The following KCTD8 variants were observed in gnomAD, a reference collection of about 807,000 sequenced individuals.
KCTD8 encodes the protein BTB/POZ domain-containing protein KCTD8.
A neutral mutation model predicts 31.5 loss-of-function variants in KCTD8; 27 were observed. That is an observed-to-expected ratio of 0.86 (90% CI 0.63 to 1.18). The LOEUF is 1.18. KCTD8 is among the 50% of genes most tolerant of loss of function. The pLI is 0.00. For missense variants in KCTD8, 658 were observed against 647.7 expected (o/e 1.02, Z -0.17); for synonymous variants, 290 against 280.0 (o/e 1.04, Z -0.36).
intron 1 of KCTD8, among the ~76,000 whole-genome samples, chr4:44,438,848 C>T (rs1176327666): frequency 2.6e-5 from 4 of 152,168 alleles, no homozygotes; most frequent in African/African-American, 7.2e-5. Context: ...TTAATTGTGT[C>T]CCTGATACCA....
At chr4:44,434,800 T>G (rs940150101) in intron 1 of KCTD8, among the ~76,000 whole-genome samples, 1 of 151,976 alleles carries the variant, frequency 6.6e-6, no homozygotes, top group African/African-American at 2.4e-5. Context: ...AGATCTAGTG[T>G]GAAATTATCG....
intron 1 of KCTD8, among the ~76,000 whole-genome samples, chr4:44,230,248 G>T (rs1251582182): frequency 6.6e-6 from 1 of 152,174 alleles, no homozygotes; most frequent in Non-Finnish European, 1.5e-5. Context: ...TATTATTTAA[G>T]ATATGGAAGG....
At chr4:44,344,958 T>A (rs1245473194) in intron 1 of KCTD8, among the ~76,000 whole-genome samples, 1 of 152,094 alleles carries the variant, frequency 6.6e-6, no homozygotes, top group Non-Finnish European at 1.5e-5. Context: ...AAACTTTAGC[T>A]CTCATTTTTC....
At chr4:44,418,981 C>T (rs1721144983) in intron 1 of KCTD8, among the ~76,000 whole-genome samples, 2 of 152,166 alleles carry the variant, frequency 1.3e-5, no homozygotes, top group Non-Finnish European at 2.9e-5. Flanking sequence ...AATTATTTTA[C>T]TACTCTTTTT....
chr4:44,290,825 A>T (rs967237421), intron 1 of KCTD8, among the ~76,000 whole-genome samples: 8 of 152,150 alleles, frequency 5.3e-5, no homozygotes, highest in African/African-American at 1.9e-4. Flanking sequence ...TTAAGGGGAA[A>T]GTTTATAGAA....
At chr4:44,275,161 A>T (rs1318635272) in intron 1 of KCTD8, among the ~76,000 whole-genome samples, 1 of 151,946 alleles carries the variant, frequency 6.6e-6, no homozygotes, top group Non-Finnish European at 1.5e-5. Context: ...GAAATGAGAC[A>T]GGGATCATAT....
chr4:44,373,153 A>G (rs752434571), intron 1 of KCTD8, among the ~76,000 whole-genome samples: 2 of 152,132 alleles, frequency 1.3e-5, no homozygotes, highest in Non-Finnish European at 1.5e-5. Flanking sequence ...TCACGAGGTC[A>G]GGAGTTCGAG....
intron 1 of KCTD8, among the ~76,000 whole-genome samples, chr4:44,323,712 T>G (rs571546076): frequency 1.3e-5 from 2 of 151,968 alleles, no homozygotes; most frequent in Admixed American, 6.5e-5. Flanking sequence ...CCTAATAGTT[T>G]TCATGTATTT....
chr4:44,271,105 C>T (rs934661012), intron 1 of KCTD8, among the ~76,000 whole-genome samples: 3 of 152,066 alleles, frequency 2.0e-5, no homozygotes, highest in Non-Finnish European at 4.4e-5. Flanking sequence ...GCTAAAAATC[C>T]ATGAGGAAAG....
In KCTD8 at chr4:44,447,577, T is replaced by G. The variant is rs924751109; in HGVS notation, c.947A>C (p.Glu316Ala). The G allele has an allele frequency of 6.4e-7, 1 of 1,572,510 alleles. No homozygotes were observed. Among genetic ancestry groups the G allele is most frequent in the Non-Finnish European group, 8.7e-7 (1 of 1,155,742 alleles). Residue 316 changes from glutamate to alanine, a missense_variant, in exon 1 of 2, where the codon GAG becomes GCG. Coordinates refer to ENST00000360029, the MANE Select transcript of KCTD8 (RefSeq NM_198353.3). ...RDDKIWSSYT[E>A]YIFFRPPQKI... ...TGCGAACTTACGGAAGAAAATGTAC[T>G]CGGTGTAGCTGCTCCAGATCTTGTC...
chr4:44,416,677 T>G (rs780303023), intron 1 of KCTD8, among the ~76,000 whole-genome samples: 1 of 152,150 alleles, frequency 6.6e-6, no homozygotes, highest in Non-Finnish European at 1.5e-5. Context: ...GACACAACAT[T>G]AGCTCCTCCT....
chr4:44,412,259 C>G (rs1033626121), intron 1 of KCTD8, among the ~76,000 whole-genome samples: 4 of 152,142 alleles, frequency 2.6e-5, no homozygotes, highest in Non-Finnish European at 5.9e-5. Context: ...GCTACCAGCT[C>G]TAACCTACAA....
chr4:44,447,510 G>T (rs1721972059), intron 1 of KCTD8, 53 bp downstream of exon 1: 2 of 1,458,384 alleles, frequency 1.4e-6, no homozygotes, highest in Non-Finnish European at 1.8e-6. Context: ...CAAACTGGCG[G>T]CGGCTCAGCA....
chr4:44,293,459 A>G (rs1335744532), intron 1 of KCTD8: 1 of 455,802 alleles, frequency 2.2e-6, no homozygotes, highest in Admixed American at 2.4e-5. Context: ...TGATCTGGCA[A>G]GCAATCATAA....
chr4:44,271,603 G>A (rs1341799684), intron 1 of KCTD8, among the ~76,000 whole-genome samples: 2 of 152,084 alleles, frequency 1.3e-5, no homozygotes, highest in Non-Finnish European at 2.9e-5. Flanking sequence ...ACAGGAATGA[G>A]GGCAAGGAAC....
intron 1 of KCTD8, among the ~76,000 whole-genome samples, chr4:44,388,365 A>G (rs949746047): frequency 2.0e-5 from 3 of 151,956 alleles, no homozygotes; most frequent in African/African-American, 7.2e-5. Flanking sequence ...TATATGCCCA[A>G]AGGAATATAA....
At chr4:44,313,257 GGTGA>G (rs1304860269) in intron 1 of KCTD8, among the ~76,000 whole-genome samples, 2 of 152,096 alleles carry the variant, frequency 1.3e-5, no homozygotes, top group East Asian at 3.9e-4. Flanking sequence ...TCAAATGCAG[GGTGA>G]GCGCCACTAC....
intron 1 of KCTD8, among the ~76,000 whole-genome samples, chr4:44,195,970 A>C (rs2109337021): frequency 6.6e-6 from 1 of 152,374 alleles, no homozygotes; most frequent in East Asian, 1.9e-4. Flanking sequence ...AAAATGGAAC[A>C]AAGTGATTGA....
chr4:44,234,613 T>C (rs1025834626), intron 1 of KCTD8, among the ~76,000 whole-genome samples: 2 of 152,130 alleles, frequency 1.3e-5, no homozygotes, highest in Non-Finnish European at 2.9e-5. Context: ...CTCCATTGCA[T>C]TGTACCTCTT....
Sources: gnomAD v4.1 joint callset for allele counts (sites outside exome capture counted in the v4.1 genomes callset) on GRCh38, gnomAD v4.1.1 for gene constraint, MANE v1.5 for transcripts, NCBI Gene and HGNC (gene_info 2026-07-23, HGNC 2026-07-21) for gene names.